EFCAB8: variants seen among roughly 807,000 people sequenced by gnomAD.
EFCAB8 encodes EF-hand calcium binding domain 8, also known as EF-hand calcium-binding domain-containing protein 8.
Under a neutral mutation model 116.3 loss-of-function variants are expected in EFCAB8, and 100 were observed. That is an observed-to-expected ratio of 0.86 (90% CI 0.73 to 1.02). The LOEUF is 1.02. EFCAB8 is among the 50% of genes least tolerant of loss of function. The pLI, the probability that EFCAB8 is intolerant of heterozygous loss-of-function variation, is 0.00. For missense variants in EFCAB8, 1,320 were observed against 1,416.9 expected (o/e 0.93, Z 1.10); for synonymous variants, 558 against 567.9 (o/e 0.98, Z 0.25).
chr20:32,863,922 T>C, intron 2 of EFCAB8, 88 bp downstream of exon 2: 2 of 1,443,202 alleles, frequency 1.4e-6, no homozygotes, highest in Non-Finnish European at 1.9e-6. Context: ...AGTATAGGTG[T>C]TTCTGCATCG....
intron 3 of EFCAB8, among the ~76,000 whole-genome samples, chr20:32,872,422 C>G (rs1175052495): frequency 6.6e-6 from 1 of 152,142 alleles, no homozygotes; most frequent in Non-Finnish European, 1.5e-5. Flanking sequence ...GGACCCAGCC[C>G]TGGGGCAACA....
At position 32,918,534 on chromosome 20, in the gene EFCAB8, G is replaced by A; in HGVS notation, c.2234G>A (p.Cys745Tyr). The A allele has an allele frequency of 6.4e-7, 1 of 1,551,658 alleles. No individual in the cohort carries two copies. Among genetic ancestry groups the A allele is most frequent in the Non-Finnish European group, 8.7e-7 (1 of 1,146,992 alleles). Residue 745 changes from cysteine to tyrosine, a missense_variant, in exon 19 of 27, where the codon TGC (cysteine) becomes TAC (tyrosine). Cys to Tyr is a radical substitution (Grantham distance 194, BLOSUM62 -2). Transcript: ENST00000400522. ...GTGTCGGCTCCCCCAGTGATGCGGT[G>A]CCCGAGAGACAAGGAGCCAGACAGG... ...SLVSAPPVMR[C>Y]PRDKEPDRPV...
intron 11 of EFCAB8, 49 bp downstream of exon 11, chr20:32,898,672 G>A (rs577317643): frequency 4.2e-6 from 3 of 708,740 alleles, no homozygotes; most frequent in East Asian, 5.4e-5. Context: ...GGAAGGGAGG[G>A]GGGTGGTGAG....
chr20:32,873,058 A>T (rs527251180), intron 3 of EFCAB8, among the ~76,000 whole-genome samples: 5 of 152,136 alleles, frequency 3.3e-5, no homozygotes, highest in Non-Finnish European at 7.3e-5. Context: ...GTGCCATTGC[A>T]CTCCAGCCTG....
At chr20:32,886,451 A>G (rs1048938713) in intron 6 of EFCAB8, among the ~76,000 whole-genome samples, 1 of 152,202 alleles carries the variant, frequency 6.6e-6, no homozygotes, top group African/African-American at 2.4e-5. Context: ...AGGTTGATTG[A>G]GAACACAGCC....
At chr20:32,946,518 T>C (rs1230660218) in intron 23 of EFCAB8, among the ~76,000 whole-genome samples, 1 of 152,262 alleles carries the variant, frequency 6.6e-6, no homozygotes, top group Non-Finnish European at 1.5e-5. Flanking sequence ...AAGGAAGTTC[T>C]GGATCTTCCT....
intron 11 of EFCAB8, among the ~76,000 whole-genome samples, chr20:32,900,240 C>T (rs944089965): frequency 1.2e-4 from 19 of 152,180 alleles, no homozygotes; most frequent in Non-Finnish European, 2.2e-4. Context: ...AGGCTAATTT[C>T]GTCCAACTCC....
Position 32,959,805 on chromosome 20 carries a change from GAT to G in EFCAB8, c.3121_3122del (p.Tyr1041ProfsTer18). On this transcript the variant is annotated frameshift_variant, in exon 25 of 27. Coordinates refer to ENST00000400522, the MANE Select transcript of EFCAB8 (RefSeq NM_001143967.2). LOFTEE classifies it high-confidence loss of function. Reference sequence around the variant, plus strand: ...AGCAGCGGGATCTGGCTGAGGCCCTGATATACCAGCGGCGAGAGCAGGCGGCG... The same window carrying G: ...AGCAGCGGGATCTGGCTGAGGCCCTGATACCAGCGGCGAGAGCAGGCGGCG... ...QEQRDLAEAL[I>X]YQRREQAALM... The G allele has an allele frequency of 6.6e-7, 1 of 1,520,994 alleles. No individual in the cohort carries two copies. The highest frequency in any genetic ancestry group is 8.8e-7 in the Non-Finnish European group (1 of 1,130,028). 94.2% of individuals were successfully genotyped at this position (1,520,994 alleles called of 1,614,324 possible).
In EFCAB8 at chr20:32,878,764, C is replaced by G; in HGVS notation, c.388C>G (p.Gln130Glu). ...GGGAAAAGAGGACATGCGAAAGAGC[C>G]AGTACCGCCTGCACTTCTACCTTCC... Reference protein sequence around the residue: ...FQGKEDMRKSQYRLHFYLPMT... With the variant: ...FQGKEDMRKSEYRLHFYLPMT... The change falls in exon 5 of 27, where the codon CAG (glutamine) becomes GAG (glutamate). Residue 130 changes from glutamine (Q) to glutamate (E), a missense_variant. Coordinates refer to ENST00000400522, the MANE Select transcript of EFCAB8 (RefSeq NM_001143967.2). The G allele has an allele frequency of 1.9e-6, 3 of 1,552,072 alleles. No homozygotes were observed. Among genetic ancestry groups the G allele is most frequent in the Non-Finnish European group, 2.6e-6 (3 of 1,147,080 alleles).
At chr20:32,914,154 G>A (rs1987075102) in intron 17 of EFCAB8, among the ~76,000 whole-genome samples, 1 of 152,374 alleles carries the variant, frequency 6.6e-6, no homozygotes, top group African/African-American at 2.4e-5. Context: ...TCTGCTGAGT[G>A]CAGTCCATGC....
intron 17 of EFCAB8, among the ~76,000 whole-genome samples, chr20:32,915,305 C>G (rs1364591164): frequency 6.6e-6 from 1 of 152,234 alleles, no homozygotes; most frequent in East Asian, 1.9e-4. Flanking sequence ...CAATATGTTA[C>G]ATAGAAATTT....
intron 1 of EFCAB8, 40 bp downstream of exon 1, chr20:32,859,046 TTGGATA>T: frequency 2.1e-6 from 1 of 471,156 alleles, no homozygotes; most frequent in Non-Finnish European, 4.4e-6. Flanking sequence ...CTCCAAAAGA[TTGGATA>T]CCTCTGCTGA....
chr20:32,898,297 C>T lies in EFCAB8; in HGVS notation c.958-196C>T, dbSNP rs1322159313. The stretch of plus-strand genomic sequence containing the variant: ...GTGTGCTTTTAAAAATTTTCAGTGA[C>T]GAGAGATGGCCAGTGCTGGTCATAG... On this transcript the variant is annotated intron_variant, in intron 10 of 26. Coordinates refer to ENST00000400522, the MANE Select transcript of EFCAB8 (RefSeq NM_001143967.2). The T allele has an allele frequency of 2.0e-5, 10 of 502,902 alleles. No homozygotes were observed. In the Admixed American group the frequency reaches 2.5e-4, roughly 13 times the overall value. The allele number at this position is 502,902 out of a possible 1,614,324, so 31.2% of individuals were successfully genotyped here.
At chr20:32,949,641 A>G (rs75108384) in intron 23 of EFCAB8, among the ~76,000 whole-genome samples, 2,495 of 152,328 alleles carry the variant, frequency 0.016, 65 homozygotes, top group African/African-American at 0.058. Flanking sequence ...AAGGCAATTC[A>G]GTGGAGAAAA....
At chr20:32,912,684 C>T (rs560507457) in intron 16 of EFCAB8, 110 bp from the exon 17 acceptor site, 9 of 696,616 alleles carry the variant, frequency 1.3e-5, no homozygotes, top group East Asian at 2.7e-5. Context: ...AGGTGATTTT[C>T]GTCATCCAGA....
intron 22 of EFCAB8, among the ~76,000 whole-genome samples, chr20:32,939,153 TTC>T (rs1491511983): frequency 2.5e-5 from 2 of 80,444 alleles, no homozygotes; most frequent in Non-Finnish European, 5.5e-5. Context: ...CTTTCTTTCT[TTC>T]TTTCTTTCTT....
At chr20:32,948,532 G>GAA (rs1331865362) in intron 23 of EFCAB8, among the ~76,000 whole-genome samples, 1 of 74,888 alleles carries the variant, frequency 1.3e-5, no homozygotes, top group South Asian at 3.8e-4. Context: ...GAAAAAGAAA[G>GAA]AAAGAAAGAA....
At chr20:32,939,119 T>TTCTTTC in intron 22 of EFCAB8, among the ~76,000 whole-genome samples, 2 of 130,934 alleles carry the variant, frequency 1.5e-5, no homozygotes, top group African/African-American at 5.9e-5. Context: ...CTTTCTCTCT[T>TTCTTTC]TCTTTCTCTT....
intron 9 of EFCAB8, among the ~76,000 whole-genome samples, chr20:32,894,386 G>A (rs35786578): frequency 0.034 from 5,110 of 152,336 alleles, 127 homozygotes; most frequent in Non-Finnish European, 0.051. Context: ...CATTGGCCTC[G>A]GGTGCCTGCC....
Sources: allele counts gnomAD v4.1 joint callset (sites outside exome capture counted in the v4.1 genomes callset), GRCh38; gene constraint gnomAD v4.1.1; transcripts MANE v1.5; gene names NCBI Gene and HGNC (gene_info 2026-07-23, HGNC 2026-07-21).